The following PDE3B variants were observed in gnomAD, a reference collection of about 807,000 sequenced individuals.
PDE3B encodes the protein phosphodiesterase 3B.
A neutral mutation model predicts 116.8 loss-of-function variants in PDE3B; 66 were observed. The ratio of observed to expected loss-of-function variants is 0.56; its 90% CI spans 0.46 to 0.69. PDE3B has a LOEUF of 0.69. Ranked by LOEUF, PDE3B falls within the 30% of genes least tolerant of loss-of-function variation. The pLI, the probability that PDE3B is intolerant of heterozygous loss-of-function variation, is 0.00. For missense variants in PDE3B, 1,384 were observed against 1,368.1 expected (o/e 1.01, Z -0.18); for synonymous variants, 595 against 533.6 (o/e 1.12, Z -1.59).
intron 1 of PDE3B, among the ~76,000 whole-genome samples, chr11:14,654,359 T>A (rs1421010047): frequency 6.6e-6 from 1 of 152,176 alleles, no homozygotes; most frequent in Non-Finnish European, 1.5e-5. Flanking sequence ...GGTGACTTAT[T>A]AGTAGCCACA....
At chr11:14,723,646 A>T (rs1339302521) in intron 1 of PDE3B, among the ~76,000 whole-genome samples, 2 of 152,044 alleles carry the variant, frequency 1.3e-5, no homozygotes, top group African/African-American at 4.8e-5. Context: ...CTCTAGTCCT[A>T]GCTACTCAGG....
chr11:14,891,523 G>T, the PDE3B span: 1 of 995,060 alleles, frequency 1.0e-6, no homozygotes, highest in Non-Finnish European at 1.2e-6. Flanking sequence ...TGCAGACACC[G>T]AAGAACCTGC....
At chr11:14,823,877 C>T (rs1565153148) in intron 7 of PDE3B, among the ~76,000 whole-genome samples, 1 of 152,150 alleles carries the variant, frequency 6.6e-6, no homozygotes, top group African/African-American at 2.4e-5. Context: ...GCTCCCCTCA[C>T]CTCCAGGCTA....
At chr11:14,875,618 TGCA>T (rs1848181529), downstream of PDE3B, among the ~76,000 whole-genome samples, 1 of 152,222 alleles carries the variant, frequency 6.6e-6, no homozygotes, top group Non-Finnish European at 1.5e-5. Flanking sequence ...TTTCCAAAAG[TGCA>T]GCATTTTATT....
At chr11:14,664,441 T>A (rs147806718) in intron 1 of PDE3B, among the ~76,000 whole-genome samples, 1,808 of 151,222 alleles carry the variant, frequency 0.012, 83 homozygotes, top group East Asian at 0.052. Flanking sequence ...GGAAATAGAG[T>A]CACAAAAAAC....
At chr11:14,714,862 A>G (rs1855830039) in intron 1 of PDE3B, among the ~76,000 whole-genome samples, 1 of 152,100 alleles carries the variant, frequency 6.6e-6, no homozygotes, top group South Asian at 2.1e-4. Context: ...GGAGCTTAAG[A>G]AGTTTTGGCT....
chr11:14,747,851 A>G (rs1856957201), intron 1 of PDE3B, among the ~76,000 whole-genome samples: 1 of 152,234 alleles, frequency 6.6e-6, no homozygotes, highest in Admixed American at 6.5e-5. Flanking sequence ...CAGGTGTTTC[A>G]TAAATACCTT....
chr11:14,668,244 T>C (rs1403536013), intron 1 of PDE3B, among the ~76,000 whole-genome samples: 1 of 152,172 alleles, frequency 6.6e-6, no homozygotes, highest in Non-Finnish European at 1.5e-5. Flanking sequence ...TAATTGGTAC[T>C]TAGAGCCAAG....
chr11:14,874,870 T>C (rs1269626579), downstream of PDE3B, among the ~76,000 whole-genome samples: 1 of 152,166 alleles, frequency 6.6e-6, no homozygotes, highest in African/African-American at 2.4e-5. Flanking sequence ...CTAGTCCTTT[T>C]GTTGATGTTT....
At chr11:14,781,086 C>A (rs548882415) in intron 2 of PDE3B, among the ~76,000 whole-genome samples, 121 of 152,282 alleles carry the variant, frequency 7.9e-4, no homozygotes, top group African/African-American at 2.7e-3. Flanking sequence ...AATTCCTCGA[C>A]ACATACACCC....
intron 1 of PDE3B, among the ~76,000 whole-genome samples, chr11:14,725,400 CTTCT>C (rs1856271073): frequency 6.9e-6 from 1 of 144,268 alleles, no homozygotes; most frequent in African/African-American, 2.6e-5. Flanking sequence ...TCCTTGCTTC[CTTCT>C]TTCTCTTTTT....
chr11:14,768,377 A>G (rs1857553462), intron 1 of PDE3B, among the ~76,000 whole-genome samples: 1 of 151,516 alleles, frequency 6.6e-6, no homozygotes, highest in Admixed American at 6.6e-5. Flanking sequence ...AGAGATAATC[A>G]CCATCCTGAA....
At chr11:14,857,089 A>T (rs1254125331) in intron 12 of PDE3B, among the ~76,000 whole-genome samples, 1 of 152,196 alleles carries the variant, frequency 6.6e-6, no homozygotes, top group Non-Finnish European at 1.5e-5. Context: ...CCCTTCTCAG[A>T]TCTTTCCAAC....
intron 1 of PDE3B, among the ~76,000 whole-genome samples, chr11:14,652,604 A>G (rs1303726493): frequency 6.6e-6 from 1 of 152,168 alleles, no homozygotes; most frequent in African/African-American, 2.4e-5. Context: ...CAGTGGTGTT[A>G]AGTATATTCA....
intron 1 of PDE3B, among the ~76,000 whole-genome samples, chr11:14,761,447 A>C (rs1046658283): frequency 6.6e-6 from 1 of 152,134 alleles, no homozygotes; most frequent in Non-Finnish European, 1.5e-5. Context: ...TCAGTATTAT[A>C]TTATTCTCAG....
chr11:14,787,836 A>G (rs901106126), intron 3 of PDE3B, among the ~76,000 whole-genome samples: 4 of 151,754 alleles, frequency 2.6e-5, no homozygotes, highest in Non-Finnish European at 4.4e-5. Context: ...TTTTCACTCT[A>G]TATGTTACTC....
chr11:14,737,350 C>T (rs1462379186), intron 1 of PDE3B, among the ~76,000 whole-genome samples: 1 of 152,166 alleles, frequency 6.6e-6, no homozygotes, highest in Admixed American at 6.5e-5. Flanking sequence ...GGCGCCCTGC[C>T]ACTATGCCCA....
At chr11:14,661,155 C>A (rs1269049897) in intron 1 of PDE3B, among the ~76,000 whole-genome samples, 2 of 152,196 alleles carry the variant, frequency 1.3e-5, no homozygotes, top group African/African-American at 4.8e-5. Context: ...TTGACCCAGC[C>A]ATCCCATTAC....
At chr11:14,672,028 A>AATATATATATATATATACATATAT (rs1854383732) in intron 1 of PDE3B, among the ~76,000 whole-genome samples, 6 of 140,804 alleles carry the variant, frequency 4.3e-5, no homozygotes, top group Non-Finnish European at 9.1e-5. Flanking sequence ...AAAAAAAAAA[A>AATATATATATATATATACATATAT]ATATATATAT....
Sources: allele counts gnomAD v4.1 joint callset (sites outside exome capture counted in the v4.1 genomes callset), GRCh38; gene constraint gnomAD v4.1.1; transcripts MANE v1.5; gene names NCBI Gene and HGNC (gene_info 2026-07-23, HGNC 2026-07-21).